The following FRMD3 variants were observed in gnomAD, a reference collection of about 807,000 sequenced individuals.
FRMD3 encodes the protein FERM domain containing 3.
FRMD3 carries 33 observed loss-of-function variants against 70.2 expected under a neutral mutation model. The ratio of observed to expected loss-of-function variants is 0.47; its 90% CI spans 0.36 to 0.63. FRMD3 has a LOEUF of 0.63. FRMD3 is among the 20% of genes least tolerant of loss of function. FRMD3 has a pLI of 0.00. For missense variants in FRMD3, 632 were observed against 711.4 expected, an observed-to-expected ratio of 0.89 and a Z score of 1.27; for synonymous variants, 279 against 255.9, an observed-to-expected ratio of 1.09 and a Z score of -0.86.
chr9:83,343,455 C>A (rs1823843496), intron 4 of FRMD3, among the ~76,000 whole-genome samples, 168 bp from the exon 5 acceptor site: 1 of 151,926 alleles, frequency 6.6e-6, no homozygotes, highest in African/African-American at 2.4e-5. Context: ...CTGAGAGGGG[C>A]CCTCTGAATT....
intron 13 of FRMD3, among the ~76,000 whole-genome samples, chr9:83,275,245 T>G (rs1291071381): frequency 6.6e-6 from 1 of 152,182 alleles, no homozygotes; most frequent in East Asian, 1.9e-4. Flanking sequence ...GAAAACACTA[T>G]GCCTGGGATT....
the FRMD3 span, among the ~76,000 whole-genome samples, chr9:83,568,029 C>A: frequency 1.1e-3 from 164 of 152,280 alleles, 1 homozygote; most frequent in Non-Finnish European, 1.8e-3. Flanking sequence ...AAAGACATAT[C>A]TGAGACTGAG....
chr9:83,390,972 A>G (rs376155543), intron 1 of FRMD3, among the ~76,000 whole-genome samples: 8 of 152,334 alleles, frequency 5.3e-5, no homozygotes, highest in African/African-American at 1.9e-4. Context: ...TGACTACTCA[A>G]GACCTTGAGA....
At chr9:83,329,155 A>T (rs1836144120) in intron 6 of FRMD3, among the ~76,000 whole-genome samples, 1 of 152,302 alleles carries the variant, frequency 6.6e-6, no homozygotes, top group African/African-American at 2.4e-5. Flanking sequence ...AGGCCACAAA[A>T]TGCCAGGACT....
chr9:83,405,813 G>A (rs1000925295), intron 1 of FRMD3, among the ~76,000 whole-genome samples: 1 of 151,892 alleles, frequency 6.6e-6, no homozygotes, highest in Non-Finnish European at 1.5e-5. Flanking sequence ...GCCCATGCCT[G>A]CAGTGAGGGT....
chr9:83,487,205 G>A (rs1828707500), intron 1 of FRMD3, among the ~76,000 whole-genome samples: 2 of 152,162 alleles, frequency 1.3e-5, no homozygotes, highest in Admixed American at 1.3e-4. Flanking sequence ...TCACAAACCT[G>A]TGTGGGAAAA....
intron 1 of FRMD3, among the ~76,000 whole-genome samples, chr9:83,417,596 C>T (rs2131351503): frequency 6.6e-6 from 1 of 152,272 alleles, no homozygotes; most frequent in South Asian, 2.1e-4. Flanking sequence ...TGCAGATATC[C>T]AAGAGGAGGT....
At chr9:83,405,559 C>T (rs746673403) in intron 1 of FRMD3, among the ~76,000 whole-genome samples, 3 of 151,056 alleles carry the variant, frequency 2.0e-5, no homozygotes, top group Admixed American at 6.6e-5. Context: ...GTTGGGAGTT[C>T]GAGACCAGCC....
chr9:83,465,401 G>A (rs1225492768), intron 1 of FRMD3, among the ~76,000 whole-genome samples: 2 of 152,018 alleles, frequency 1.3e-5, no homozygotes, highest in Admixed American at 6.5e-5. Flanking sequence ...ACCAGCTTGG[G>A]GCAACACAGA....
At position 83,465,129 on chromosome 9, in the gene FRMD3, G is replaced by A. The variant is rs541877088; in HGVS notation, c.147+72956C>T. 5.9e-5 allele frequency among the ~76,000 whole-genome samples: 9 copies of A among 152,162 alleles called. No individual in the cohort carries two copies. The South Asian group carries it at 1.9e-3, about 32-fold the overall frequency. ...TTAAGCTGAACTGGCCCTTCATTCT[G>A]TATTTTACACACATCATCCATTCGA... On this transcript the variant is annotated intron_variant, in intron 1 of 13. Transcript: ENST00000304195.
chr9:83,509,383 T>A (rs1222672418), intron 1 of FRMD3, among the ~76,000 whole-genome samples: 1 of 152,174 alleles, frequency 6.6e-6, no homozygotes, highest in East Asian at 1.9e-4. Flanking sequence ...AAAAGTTCAA[T>A]GGTATGGCAG....
At chr9:83,550,634 G>T in the FRMD3 span, among the ~76,000 whole-genome samples, 1 of 151,060 alleles carries the variant, frequency 6.6e-6, no homozygotes, top group East Asian at 1.9e-4. Context: ...GCAGTGTTTT[G>T]TAATTCTCAT....
intron 3 of FRMD3, among the ~76,000 whole-genome samples, chr9:83,365,549 C>G (rs1420513292): frequency 6.6e-6 from 1 of 151,522 alleles, no homozygotes; most frequent in Non-Finnish European, 1.5e-5. Context: ...TAGGGCATGG[C>G]TAGGGAAGGC....
chr9:83,442,324 C>G (rs965565703), intron 1 of FRMD3, among the ~76,000 whole-genome samples: 1 of 144,482 alleles, frequency 6.9e-6, no homozygotes, highest in African/African-American at 2.6e-5. Flanking sequence ...GTGGTGCGAT[C>G]TCAGCTCACT....
At chr9:83,368,415 T>C (rs1295213326) in intron 3 of FRMD3, among the ~76,000 whole-genome samples, 2 of 152,110 alleles carry the variant, frequency 1.3e-5, no homozygotes, top group African/African-American at 2.4e-5. Context: ...CACTGCAAGC[T>C]CCGCCTCCTG....
At chr9:83,499,918 A>G (rs987724556) in intron 1 of FRMD3, among the ~76,000 whole-genome samples, 1 of 152,226 alleles carries the variant, frequency 6.6e-6, no homozygotes, top group African/African-American at 2.4e-5. Context: ...TTGTTCAGCA[A>G]TAAAAAGAAA....
intron 2 of FRMD3, among the ~76,000 whole-genome samples, chr9:83,380,130 G>T (rs1028199996): frequency 6.6e-6 from 1 of 152,148 alleles, no homozygotes; most frequent in Admixed American, 6.5e-5. Flanking sequence ...TCATTTCCCT[G>T]GGTATTTATT....
chr9:83,527,375 A>T (rs894284963), intron 1 of FRMD3, among the ~76,000 whole-genome samples: 1 of 152,106 alleles, frequency 6.6e-6, no homozygotes, highest in Non-Finnish European at 1.5e-5. Flanking sequence ...ACTTCATTAT[A>T]CCTGTGATAG....
At chr9:83,261,209 A>G (rs1832975573) in intron 13 of FRMD3, among the ~76,000 whole-genome samples, 2 of 151,416 alleles carry the variant, frequency 1.3e-5, no homozygotes, top group South Asian at 4.2e-4. Flanking sequence ...TCATGTAAAC[A>G]TCTTCTCCTG....
Sources: gnomAD v4.1 joint callset for allele counts (sites outside exome capture counted in the v4.1 genomes callset) on GRCh38, gnomAD v4.1.1 for gene constraint, MANE v1.5 for transcripts, NCBI Gene and HGNC (gene_info 2026-07-23, HGNC 2026-07-21) for gene names.